The following JAKMIP1 variants were observed in gnomAD, a reference collection of about 807,000 sequenced individuals.
The protein encoded by JAKMIP1 is janus kinase and microtubule interacting protein 1.
JAKMIP1 carries 33 observed loss-of-function variants against 113.0 expected under a neutral mutation model. The observed-to-expected ratio is 0.29, with a 90% CI of 0.22 to 0.39. JAKMIP1 has a LOEUF of 0.39. Among genes scored for constraint, JAKMIP1 ranks in the 10% least tolerant of loss-of-function variants. The pLI is 1.00. For missense variants in JAKMIP1, 813 were observed against 1,080.5 expected (o/e 0.75, Z 3.47); for synonymous variants, 480 against 459.9 (o/e 1.04, Z -0.56).
chr4:6,035,854 GACA>G (rs774970965), intron 19 of JAKMIP1, 47 bp downstream of exon 19: 6 of 1,478,030 alleles, frequency 4.1e-6, no homozygotes, highest in African/African-American at 2.8e-5. Context: ...GTGCACACAG[GACA>G]ACAAGGGTGC....
Position 6,139,075 on chromosome 4 carries a change from CACACACACAT to C in JAKMIP1, c.-147-26088_-147-26079del, listed in dbSNP as rs747222623. On this transcript the variant is annotated intron_variant, in intron 1 of 20. Transcript: ENST00000409021. The surrounding 1 kb of genome is among the most constrained non-coding windows in gnomAD (Gnocchi z 5.2). Reference sequence around the variant, plus strand: ...TTAGAAACACACACACACACACACACACACACACATATACACACACACACACACACCAGCA... The same window carrying C: ...TTAGAAACACACACACACACACACACATACACACACACACACACACCAGCA... 4.1e-5 allele frequency among the ~76,000 whole-genome samples: 6 copies of C among 147,202 alleles called. No homozygotes were observed. Among genetic ancestry groups the C allele is most frequent in the East Asian group, 2.0e-4 (1 of 5,114 alleles).
At chr4:6,102,088 A>G (rs1390988551) in intron 3 of JAKMIP1, among the ~76,000 whole-genome samples, 1 of 152,322 alleles carries the variant, frequency 6.6e-6, no homozygotes, top group African/African-American at 2.4e-5. Flanking sequence ...CAGGGGAGAC[A>G]TCTTACACAA....
Position 6,081,511 on chromosome 4 carries a change from GGT to G in JAKMIP1, c.1101+96_1101+97del. ...GTGCTTTGTGGGGAGGTGGGCAGCAGGTGCGCCCCAGAACATGTGAATCGGGA... is the reference window on the plus strand; with the variant it reads ...GTGCTTTGTGGGGAGGTGGGCAGCAGGCGCCCCAGAACATGTGAATCGGGA... On this transcript the variant is annotated intron_variant, in intron 6 of 20. Coordinates refer to ENST00000409021, the MANE Select transcript of JAKMIP1 (RefSeq NM_001099433.2). This position sits in a 1 kb window ranked among gnomAD's most constrained non-coding sequence, Gnocchi z 4.6. The G allele has an allele frequency of 1.5e-6, 2 of 1,379,296 alleles. No homozygotes were observed. Among genetic ancestry groups the G allele is most frequent in the Non-Finnish European group, 2.0e-6 (2 of 993,898 alleles). 85.4% of individuals were successfully genotyped at this position (1,379,296 alleles called of 1,614,324 possible).
rs569604994 is a variant in JAKMIP1, at chr4:6,059,146, C to T, written c.1644+1278G>A. 6.6e-6 allele frequency among the ~76,000 whole-genome samples: 1 copy of T among 152,220 alleles called. No homozygotes were observed. Among genetic ancestry groups the T allele is most frequent in the African/African-American group, 2.4e-5 (1 of 41,456 alleles). On this transcript the variant is annotated intron_variant, in intron 11 of 20. Transcript: ENST00000409021. The surrounding 1 kb of genome is among the most constrained non-coding windows in gnomAD (Gnocchi z 4.8). The stretch of plus-strand genomic sequence containing the variant: ...TGAGCTCTGCGTCACGATCCCACCG[C>T]ATGGAGGATGCAGACCACAGTTTAG...
chr4:6,158,854 T>G lies in JAKMIP1; in HGVS notation c.-148+41399A>C, dbSNP rs958974769. Among the ~76,000 whole-genome samples, 1 of 152,140 alleles carries G rather than the reference T, an allele frequency of 6.6e-6. No individual in the cohort carries two copies. The highest frequency in any genetic ancestry group is 2.4e-5 in the African/African-American group (1 of 41,410). On this transcript the variant is annotated intron_variant, in intron 1 of 20. Coordinates refer to ENST00000409021, the MANE Select transcript of JAKMIP1 (RefSeq NM_001099433.2). This position sits in a 1 kb window ranked among gnomAD's most constrained non-coding sequence, Gnocchi z 5.3. ...CTGTAATCTCATCACTTTGGGAGTT[T>G]GAAGCAGGAGGATCGCTTGACCTCA...
intron 1 of JAKMIP1, among the ~76,000 whole-genome samples, chr4:6,146,186 C>T (rs940381690): frequency 7.9e-6 from 1 of 127,264 alleles, no homozygotes; most frequent in African/African-American, 2.9e-5. Context: ...ACGGAGAAGT[C>T]AAACTCATAG....
intron 2 of JAKMIP1, among the ~76,000 whole-genome samples, chr4:6,110,898 T>TCAGCCC (rs1350292050): frequency 9.7e-4 from 148 of 151,884 alleles, no homozygotes; most frequent in East Asian, 5.7e-3. Context: ...CCCCAGCCAG[T>TCAGCCC]CAGCCCCAGC....
chr4:6,121,680 G>C (rs942849037), intron 1 of JAKMIP1, among the ~76,000 whole-genome samples: 1 of 152,224 alleles, frequency 6.6e-6, no homozygotes, highest in East Asian at 1.9e-4. Flanking sequence ...TCCAGTGATC[G>C]CAGCGCGGCT....
chr4:6,054,870 G>A, intron 12 of JAKMIP1: 1 of 456,660 alleles, frequency 2.2e-6, no homozygotes, highest in Admixed American at 2.3e-5. Flanking sequence ...AAGGCTAGAG[G>A]GGGGCCCTCT....
In JAKMIP1 at chr4:6,064,784, T is replaced by G. The variant is rs1441463364; in HGVS notation, c.1431+96A>C. 6.6e-7 allele frequency: 1 copy of G among 1,519,408 alleles called. No homozygotes were observed. Among genetic ancestry groups the G allele is most frequent in the Non-Finnish European group, 9.0e-7 (1 of 1,105,858 alleles). 94.1% of individuals were successfully genotyped at this position (1,519,408 alleles called of 1,614,324 possible). ...ACTGGTCATCTGGGGTTCAGAACTA[T>G]AGGCAAGGGAGCGAAACTTGCAACT... On this transcript the variant is annotated intron_variant, in intron 9 of 20. Coordinates refer to ENST00000409021, the MANE Select transcript of JAKMIP1 (RefSeq NM_001099433.2). This position sits in a 1 kb window ranked among gnomAD's most constrained non-coding sequence, Gnocchi z 4.3.
intron 3 of JAKMIP1, among the ~76,000 whole-genome samples, chr4:6,100,758 A>G (rs2108864197): frequency 6.6e-6 from 1 of 152,242 alleles, no homozygotes; most frequent in Middle Eastern, 3.4e-3. Context: ...TTTTTTTAAT[A>G]GTCATTCTAG....
chr4:6,107,007 T>G (rs1714065852), intron 2 of JAKMIP1, among the ~76,000 whole-genome samples: 1 of 152,134 alleles, frequency 6.6e-6, no homozygotes, highest in South Asian at 2.1e-4. Context: ...AAATCCTTAC[T>G]TAAAACAGCA....
chr4:6,091,222 C>T (rs2108842683), intron 3 of JAKMIP1, among the ~76,000 whole-genome samples: 1 of 144,408 alleles, frequency 6.9e-6, no homozygotes, highest in South Asian at 2.4e-4. Context: ...TGGGTGAAAA[C>T]CATCCACACA....
chr4:6,141,821 G>C lies in JAKMIP1; in HGVS notation c.-147-28824C>G, dbSNP rs968661859. ...GGCCACTGAGCAGCCCGGTGGGAGC[G>C]GAAGTTGATGTGGAAACCACTCATT... On this transcript the variant is annotated intron_variant, in intron 1 of 20. Transcript: ENST00000409021. This position sits in a 1 kb window ranked among gnomAD's most constrained non-coding sequence, Gnocchi z 9.4. Among the ~76,000 whole-genome samples, 2 of 152,146 alleles carry C rather than the reference G, an allele frequency of 1.3e-5. No individual in the cohort carries two copies. Among genetic ancestry groups the C allele is most frequent in the Non-Finnish European group, 2.9e-5 (2 of 68,034 alleles).
chr4:6,041,209 C>T (rs1283491964), intron 17 of JAKMIP1, among the ~76,000 whole-genome samples: 2 of 152,164 alleles, frequency 1.3e-5, no homozygotes, highest in South Asian at 2.1e-4. Context: ...ATGATCTCTC[C>T]GGAGTGCAAA....
chr4:6,078,182 G>A (rs1233032577), intron 8 of JAKMIP1, among the ~76,000 whole-genome samples: 8 of 152,124 alleles, frequency 5.3e-5, no homozygotes, highest in Non-Finnish European at 1.0e-4. Flanking sequence ...GGGCGTGGTG[G>A]CATGTGCCTG....
intron 19 of JAKMIP1, among the ~76,000 whole-genome samples, chr4:6,033,789 T>G (rs982667609): frequency 3.3e-5 from 5 of 152,064 alleles, no homozygotes; most frequent in African/African-American, 1.2e-4. Flanking sequence ...TTCCTTCTCT[T>G]TGGGAAAAAA....
In JAKMIP1 at chr4:6,139,055, A is replaced by AACAC. The variant is rs71984154; in HGVS notation, c.-147-26062_-147-26059dup. Among the ~76,000 whole-genome samples, 1,018 of 103,472 alleles carry AACAC rather than the reference A, an allele frequency of 9.8e-3. 46 individuals carry two copies. The East Asian group carries it at 0.21, about 22-fold the overall frequency. 67.9% of individuals were successfully genotyped at this position (103,472 alleles called of 152,430 possible). A position where few individuals can be genotyped will look rare whatever the true frequency, so the allele number is the denominator to read the frequency against. The stretch of plus-strand genomic sequence containing the variant: ...ATTGTTTGCATGTGACATCATTAGA[A>AACAC]ACACACACACACACACACACACACA... On this transcript the variant is annotated intron_variant, in intron 1 of 20. Coordinates refer to ENST00000409021, the MANE Select transcript of JAKMIP1 (RefSeq NM_001099433.2). The surrounding 1 kb of genome is among the most constrained non-coding windows in gnomAD (Gnocchi z 5.2).
chr4:6,063,067 G>C (rs1008156352), intron 9 of JAKMIP1, among the ~76,000 whole-genome samples: 6 of 152,128 alleles, frequency 3.9e-5, no homozygotes, highest in Non-Finnish European at 7.4e-5. Flanking sequence ...CCTTGAGCCT[G>C]GGAGGTGGAG....
Sources: gnomAD v4.1 joint callset for allele counts (sites outside exome capture counted in the v4.1 genomes callset) on GRCh38, gnomAD v4.1.1 for gene constraint, Gnocchi (gnomAD v3.1) non-coding constraint, MANE v1.5 for transcripts, NCBI Gene and HGNC (gene_info 2026-07-23, HGNC 2026-07-21) for gene names.